PTPRK: variants seen among roughly 807,000 people sequenced by gnomAD.
PTPRK encodes receptor-type tyrosine-protein phosphatase kappa.
In PTPRK, 75 loss-of-function variants were observed where a neutral mutation model predicts 178.0. That is an observed-to-expected ratio of 0.42 (90% CI 0.35 to 0.51). The LOEUF is 0.51. Among genes scored for constraint, PTPRK ranks in the 20% least tolerant of loss-of-function variants. PTPRK has a pLI of 0.02. For synonymous variants in PTPRK, 637 were observed against 620.6 expected (o/e 1.03, Z -0.39); for missense variants, 1,441 against 1,797.8 (o/e 0.80, Z 3.59).
intron 1 of PTPRK, among the ~76,000 whole-genome samples, chr6:128,511,951 T>C (rs1200047182): frequency 6.6e-6 from 1 of 152,202 alleles, no homozygotes; most frequent in African/African-American, 2.4e-5. Context: ...ACAGCTCATA[T>C]TGTTATTTTT....
At chr6:128,459,599 GC>G (rs1480746110) in intron 1 of PTPRK, among the ~76,000 whole-genome samples, 1 of 152,288 alleles carries the variant, frequency 6.6e-6, no homozygotes, top group Admixed American at 6.5e-5. Context: ...GCAAGAAAAT[GC>G]TCATAGTCTG....
intron 3 of PTPRK, among the ~76,000 whole-genome samples, chr6:128,280,935 T>A (rs997679732): frequency 2.0e-5 from 3 of 152,108 alleles, no homozygotes; most frequent in Non-Finnish European, 4.4e-5. Context: ...TAATTATTTT[T>A]AAAAAAATAA....
At chr6:128,294,926 T>C (rs776926515) in intron 3 of PTPRK, among the ~76,000 whole-genome samples, 10 of 122,686 alleles carry the variant, frequency 8.2e-5, no homozygotes, top group South Asian at 3.0e-4. Flanking sequence ...AAAGAAACCA[T>C]AGACTTTGAG....
chr6:128,078,698 A>G, intron 11 of PTPRK, 115 bp downstream of exon 11: 1 of 559,654 alleles, frequency 1.8e-6, no homozygotes, highest in Admixed American at 3.2e-5. Context: ...ATAGAAAAAA[A>G]CATAGTACAG....
chr6:128,217,959 C>T (rs1264783870), intron 6 of PTPRK, among the ~76,000 whole-genome samples: 2 of 152,214 alleles, frequency 1.3e-5, no homozygotes, highest in African/African-American at 2.4e-5. Context: ...TGATATCCTA[C>T]TCAACGGAGC....
chr6:128,397,001 AAAC>A (rs1006427030), intron 2 of PTPRK, among the ~76,000 whole-genome samples: 40 of 152,208 alleles, frequency 2.6e-4, no homozygotes, highest in Admixed American at 7.9e-4. Flanking sequence ...CCATATCAAA[AAAC>A]AACAACAACA....
rs1008970496 is a variant in PTPRK, at chr6:128,460,142, A to G, written c.100+60117T>C. ...ACTGGGGATTACATTTGAACATGAG[A>G]TTTGGGTGGGGACACCGATCAAAAC... On this transcript the variant is annotated intron_variant, in intron 1 of 29. Transcript: ENST00000368226. 2.6e-5 allele frequency among the ~76,000 whole-genome samples: 4 copies of G among 152,188 alleles called. 1 individual carries two copies. The highest frequency in any genetic ancestry group is 2.0e-4 in the Admixed American group (3 of 15,264).
chr6:128,036,424 G>A (rs1414654593), intron 13 of PTPRK, among the ~76,000 whole-genome samples: 3 of 152,248 alleles, frequency 2.0e-5, no homozygotes, highest in African/African-American at 7.2e-5. Context: ...AATTTGTTAA[G>A]AGAAAAAGTG....
intron 7 of PTPRK, among the ~76,000 whole-genome samples, chr6:128,176,465 A>G (rs969969401): frequency 6.6e-6 from 1 of 151,808 alleles, no homozygotes; most frequent in Non-Finnish European, 1.5e-5. Flanking sequence ...AACATCACTC[A>G]ATGATTTCTA....
intron 1 of PTPRK, among the ~76,000 whole-genome samples, chr6:128,482,278 T>A (rs1852192148): frequency 6.6e-6 from 1 of 152,146 alleles, no homozygotes; most frequent in African/African-American, 2.4e-5. Flanking sequence ...TGGAAATACA[T>A]TTCGGAGTTG....
At chr6:128,260,774 A>T (rs1445685712) in intron 3 of PTPRK, among the ~76,000 whole-genome samples, 1 of 152,292 alleles carries the variant, frequency 6.6e-6, no homozygotes, top group Non-Finnish European at 1.5e-5. Context: ...CTGAACTTTC[A>T]TGTACATTCA....
At chr6:128,082,704 T>C in intron 9 of PTPRK, 66 bp from the exon 10 acceptor site, 1 of 1,276,238 alleles carries the variant, frequency 7.8e-7, no homozygotes, top group South Asian at 1.5e-5. Flanking sequence ...ATAAACTCTG[T>C]ATAAATAAGG....
intron 6 of PTPRK, among the ~76,000 whole-genome samples, chr6:128,218,647 T>A (rs2128271545): frequency 6.6e-6 from 1 of 152,334 alleles, no homozygotes; most frequent in African/African-American, 2.4e-5. Flanking sequence ...GTGATGACAA[T>A]GTGGAATAAG....
chr6:128,488,648 C>A (rs1853322858), intron 1 of PTPRK, among the ~76,000 whole-genome samples: 1 of 152,116 alleles, frequency 6.6e-6, no homozygotes, highest in Non-Finnish European at 1.5e-5. Context: ...AATTACATTC[C>A]AAAATTGCTT....
chr6:128,510,823 TTAAA>T (rs1269998703), intron 1 of PTPRK, among the ~76,000 whole-genome samples: 5 of 151,920 alleles, frequency 3.3e-5, no homozygotes, highest in Non-Finnish European at 5.9e-5. Flanking sequence ...TTTTTTAATC[TTAAA>T]TAATAATTAT....
At chr6:127,971,847 C>CA (rs1306521335) in intron 29 of PTPRK, among the ~76,000 whole-genome samples, 4 of 152,064 alleles carry the variant, frequency 2.6e-5, no homozygotes, top group African/African-American at 9.7e-5. Context: ...GAGTTTACAT[C>CA]AAGAAATCTT....
At chr6:128,348,147 A>T (rs1206473303) in intron 2 of PTPRK, among the ~76,000 whole-genome samples, 1 of 152,078 alleles carries the variant, frequency 6.6e-6, no homozygotes, top group African/African-American at 2.4e-5. Flanking sequence ...TTACAGAAAC[A>T]TGAAATGAGG....
At chr6:128,026,057 G>A (rs934696337) in intron 13 of PTPRK, among the ~76,000 whole-genome samples, 1 of 152,024 alleles carries the variant, frequency 6.6e-6, no homozygotes, top group Non-Finnish European at 1.5e-5. Context: ...ATTTTTCAAG[G>A]TATAGGCTTT....
chr6:128,463,215 T>A (rs1849306885), intron 1 of PTPRK, among the ~76,000 whole-genome samples: 1 of 152,190 alleles, frequency 6.6e-6, no homozygotes, highest in African/African-American at 2.4e-5. Context: ...AAGAAAAGGT[T>A]CAGAATTTAT....
Sources: gnomAD v4.1 joint callset for allele counts (sites outside exome capture counted in the v4.1 genomes callset) on GRCh38, gnomAD v4.1.1 for gene constraint, MANE v1.5 for transcripts, NCBI Gene and HGNC (gene_info 2026-07-23, HGNC 2026-07-21) for gene names.